The following MED20 variants were observed in gnomAD, a reference collection of about 807,000 sequenced individuals.
MED20 encodes the protein mediator of RNA polymerase II transcription subunit 20.
In MED20, 19 loss-of-function variants were observed where a neutral mutation model predicts 19.7. The observed-to-expected ratio is 0.96, with a 90% confidence interval of 0.67 to 1.42. The LOEUF is 1.42. Ranked by LOEUF, MED20 falls within the 40% of genes most tolerant of loss-of-function variation. MED20 has a pLI of 0.00. For missense variants in MED20, 225 were observed against 273.0 expected (o/e 0.82, Z 1.24); for synonymous variants, 105 against 104.8 (o/e 1.00, Z -0.01).
chr6:41,906,141 A>T lies in MED20; in HGVS notation c.*931T>A, dbSNP rs954508352. ...TTTAACTCAGCACATGACTGCCCAG[A>T]TAAGAGGTTCTATGTCCCAGCATCT... On this transcript the variant is annotated 3_prime_UTR_variant, in exon 4 of 4. Coordinates refer to ENST00000265350, the MANE Select transcript of MED20 (RefSeq NM_004275.5). 3 of 152,242 alleles carry T rather than the reference A, an allele frequency of 2.0e-5. No individual in the cohort carries two copies. The highest frequency in any genetic ancestry group is 7.2e-5 in the African/African-American group (3 of 41,452). The allele number at this position is 152,242 out of a possible 1,614,324, so 9.4% of individuals were successfully genotyped here.
intron 3 of MED20, among the ~76,000 whole-genome samples, chr6:41,908,697 T>C (rs148261837): frequency 2.8e-3 from 432 of 152,318 alleles, no homozygotes; most frequent in South Asian, 0.013. Context: ...TCCTTGACTA[T>C]CTTTTCCCTT....
intron 2 of MED20, among the ~76,000 whole-genome samples, chr6:41,916,244 C>G (rs1775311907): frequency 6.8e-6 from 1 of 146,848 alleles, no homozygotes; most frequent in Non-Finnish European, 1.5e-5. Flanking sequence ...GAGCAAAACC[C>G]TATCTCAAAA....
intron 2 of MED20, among the ~76,000 whole-genome samples, chr6:41,913,537 T>C: frequency 6.6e-6 from 1 of 152,210 alleles, no homozygotes; most frequent in East Asian, 1.9e-4. Context: ...ACACAAATGG[T>C]AACTTCAATT....
chr6:41,913,730 T>G (rs1775250890), intron 2 of MED20, among the ~76,000 whole-genome samples: 1 of 152,086 alleles, frequency 6.6e-6, no homozygotes, highest in Admixed American at 6.6e-5. Context: ...AAACCCCATC[T>G]CTACTAAAAA....
chr6:41,912,264 C>CT (rs1164416353), intron 2 of MED20, among the ~76,000 whole-genome samples: 1 of 135,510 alleles, frequency 7.4e-6, no homozygotes, highest in Non-Finnish European at 1.5e-5. Context: ...TGGTCTCAAA[C>CT]TCCTAGGCTC....
Position 41,915,148 on chromosome 6 carries a change from C to G in MED20, c.169+1637G>C, listed in dbSNP as rs151073001. Reference sequence around the variant, plus strand: ...CAAAACAAAAAGCACTCAAAGAACACAAGGGCCAGGCATGGTGGCTCATGC... The same window carrying G: ...CAAAACAAAAAGCACTCAAAGAACAGAAGGGCCAGGCATGGTGGCTCATGC... On this transcript the variant is annotated intron_variant, in intron 2 of 3. Coordinates refer to ENST00000265350, the MANE Select transcript of MED20 (RefSeq NM_004275.5). Among the ~76,000 whole-genome samples the G allele has an allele frequency of 2.6e-4, 39 of 152,266 alleles. No homozygotes were observed. The East Asian group carries it at 7.3e-3, about 29-fold the overall frequency.
intron 2 of MED20, among the ~76,000 whole-genome samples, chr6:41,912,371 T>G (rs898401866): frequency 2.0e-5 from 3 of 147,562 alleles, no homozygotes; most frequent in Non-Finnish European, 4.5e-5. Context: ...TTTTTTTTTT[T>G]TTGGAGATGG....
At position 41,909,403 on chromosome 6, in the gene MED20, T is replaced by A; in HGVS notation, c.289A>T (p.Lys97Ter). Residue 97 changes from lysine to a stop codon, truncating the protein, a stop_gained, in exon 3 of 4, where the codon AAG (lysine) becomes TAG (stop). Transcript: ENST00000265350. LOFTEE classifies it high-confidence loss of function. Reference protein sequence around the residue: ...ADTNFDVLMVKLKGFFQSAKA... With the variant: ...ADTNFDVLMV ...GCACTCTGGAAAAAGCCCTTGAGCT[T>A]CACCATAAGCACATCAAAGTTGGTG... The A allele has an allele frequency of 6.2e-7, 1 of 1,614,164 alleles. No individual in the cohort carries two copies. Among genetic ancestry groups the A allele is most frequent in the African/African-American group, 1.3e-5 (1 of 75,040 alleles).
Position 41,907,015 on chromosome 6 carries a change from C to G in MED20, c.*57G>C. 6.5e-7 allele frequency: 1 copy of G among 1,539,892 alleles called. No individual in the cohort carries two copies. The highest frequency in any genetic ancestry group is 1.1e-5 in the South Asian group (1 of 87,880). On this transcript the variant is annotated 3_prime_UTR_variant, in exon 4 of 4. Transcript: ENST00000265350. ...GGGTCCAGGGACCTGAAAGTCAGCACCTGCTCCTCCTGTGGAGTACCCCTG... is the reference window on the plus strand; with the variant it reads ...GGGTCCAGGGACCTGAAAGTCAGCAGCTGCTCCTCCTGTGGAGTACCCCTG...
chr6:41,919,453 C>T (rs1019136548), intron 1 of MED20, among the ~76,000 whole-genome samples: 1 of 152,140 alleles, frequency 6.6e-6, no homozygotes, highest in South Asian at 2.1e-4. Context: ...CCTTCTGTTG[C>T]TAAAAATTGT....
chr6:41,909,594 C>T, intron 2 of MED20, 72 bp from the exon 3 acceptor site: 5 of 1,569,778 alleles, frequency 3.2e-6, no homozygotes, highest in African/African-American at 1.3e-5. Flanking sequence ...TCAAATGACT[C>T]CCCCCGGAAT....
chr6:41,919,623 C>T (rs1775407592), intron 1 of MED20, among the ~76,000 whole-genome samples: 1 of 152,128 alleles, frequency 6.6e-6, no homozygotes, highest in African/African-American at 2.4e-5. Context: ...CCTGGAGCTG[C>T]CTTCTCCATT....
At chr6:41,916,598 T>G (rs895189262) in intron 2 of MED20, among the ~76,000 whole-genome samples, 187 bp downstream of exon 2, 1 of 151,902 alleles carries the variant, frequency 6.6e-6, no homozygotes, top group Non-Finnish European at 1.5e-5. Flanking sequence ...TAAAATAAAA[T>G]AAAATAAAGC....
chr6:41,918,714 G>T (rs939001421), intron 1 of MED20, among the ~76,000 whole-genome samples: 3 of 150,614 alleles, frequency 2.0e-5, no homozygotes, highest in African/African-American at 7.3e-5. Context: ...TTGGGAGGCC[G>T]AGGCGGGTGG....
intron 1 of MED20, among the ~76,000 whole-genome samples, chr6:41,917,229 G>A (rs375888441): frequency 6.6e-5 from 10 of 151,986 alleles, no homozygotes; most frequent in African/African-American, 1.7e-4. Flanking sequence ...GTGAAACCCC[G>A]TCTCTACTAA....
rs368791346 is a variant in MED20 at position 41,907,239 on chromosome 6, G to A, written c.472C>T (p.Leu158Phe). 1.5e-5 allele frequency: 25 copies of A among 1,613,864 alleles called. No homozygotes were observed. In the African/African-American group the frequency reaches 3.1e-4, roughly 20 times the overall value. ...CCTAGAAAACTCTGTAGGAACTCGAGCAGCAGACTCCAGCAGTCACTAGCT... is the reference window on the plus strand; with the variant it reads ...CCTAGAAAACTCTGTAGGAACTCGAACAGCAGACTCCAGCAGTCACTAGCT... ...VVASDCWSLL[L>F]EFLQSFLGSH... The change falls in exon 4 of 4, where the codon CTC becomes TTC. Residue 158 changes from leucine to phenylalanine, a missense_variant. Coordinates refer to ENST00000265350, the MANE Select transcript of MED20 (RefSeq NM_004275.5).
At chr6:41,917,614 G>C in intron 1 of MED20, 1 of 377,124 alleles carries the variant, frequency 2.7e-6, no homozygotes, top group Non-Finnish European at 5.5e-6. Context: ...TCTCGCACCA[G>C]GGCAATGAAC....
Position 41,916,743 on chromosome 6 carries a change from C to G in MED20, c.169+42G>C, listed in dbSNP as rs148885656. ...CAATTAACTCAAATGTCTCTTAACT[C>G]CAAGCCTGGTTCCAGCCATCCTACA... On this transcript the variant is annotated intron_variant, in intron 2 of 3. Coordinates refer to ENST00000265350, the MANE Select transcript of MED20 (RefSeq NM_004275.5). 376 of 1,609,162 alleles carry G rather than the reference C, an allele frequency of 2.3e-4. 3 individuals carry two copies. In the African/African-American group the frequency reaches 4.5e-3, roughly 19 times the overall value.
intron 1 of MED20, 193 bp downstream of exon 1, chr6:41,920,812 G>T: frequency 1.8e-6 from 1 of 553,982 alleles, no homozygotes; most frequent in Non-Finnish European, 3.0e-6. Flanking sequence ...TTGCTTTCCC[G>T]CCTTCCAAGA....
Sources: gnomAD v4.1 joint callset for allele counts (sites outside exome capture counted in the v4.1 genomes callset) on GRCh38, gnomAD v4.1.1 for gene constraint, MANE v1.5 for transcripts, NCBI Gene and HGNC (gene_info 2026-07-23, HGNC 2026-07-21) for gene names.